The following ANO10 variants were observed in gnomAD, a reference collection of about 807,000 sequenced individuals.
ANO10 encodes the protein anoctamin-10.
Under a neutral mutation model 74.7 loss-of-function variants are expected in ANO10, and 77 were observed. The observed-to-expected ratio is 1.03, with a 90% CI of 0.86 to 1.25. The LOEUF (loss-of-function observed/expected upper bound fraction) is 1.25. Ranked by LOEUF, ANO10 falls within the 50% of genes most tolerant of loss-of-function variation. The pLI, the probability that ANO10 is intolerant of heterozygous loss-of-function variation, is 0.00. For synonymous variants in ANO10, 279 were observed against 284.9 expected, an observed-to-expected ratio of 0.98 and a Z score of 0.21; for missense variants, 721 against 778.1, an observed-to-expected ratio of 0.93 and a Z score of 0.87.
chr3:43,576,871 A>C lies in ANO10; in HGVS notation c.983T>G (p.Phe328Cys), dbSNP rs754095732. The change falls in exon 6 of 13, where the codon TTC (phenylalanine) becomes TGC (cysteine). Residue 328 changes from phenylalanine to cysteine, a missense_variant. Coordinates refer to ENST00000292246, the MANE Select transcript of ANO10 (RefSeq NM_018075.5). ...SLPFVCLCLYFSLYVMMIYFD... is the reference protein window; with the variant it reads ...SLPFVCLCLYCSLYVMMIYFD... ...GTAAATCATCATGACATACAGTGAGAAATAGAGGCAGAGGCACACGAATGG... is the reference window on the plus strand; with the variant it reads ...GTAAATCATCATGACATACAGTGAGCAATAGAGGCAGAGGCACACGAATGG... 6.2e-7 allele frequency: 1 copy of C among 1,614,204 alleles called. No homozygotes were observed. The highest frequency in any genetic ancestry group is 8.5e-7 in the Non-Finnish European group (1 of 1,180,030).
chr3:43,605,463 T>C (rs185121376), intron 2 of ANO10, among the ~76,000 whole-genome samples: 1 of 152,330 alleles, frequency 6.6e-6, no homozygotes, highest in East Asian at 1.9e-4. Context: ...TATTTAGAGC[T>C]GTGAAGAAAA....
chr3:43,690,239 AAT>A (rs1297250541), intron 1 of ANO10: 3 of 151,558 alleles, frequency 2.0e-5, no homozygotes, highest in Non-Finnish European at 4.4e-5. Context: ...TTGTATTTTT[AAT>A]AGAGACGGGG....
At chr3:43,543,786 C>G (rs1487552504) in intron 11 of ANO10, among the ~76,000 whole-genome samples, 1 of 152,038 alleles carries the variant, frequency 6.6e-6, no homozygotes, top group African/African-American at 2.4e-5. Flanking sequence ...TTTTTTAAAC[C>G]ACGAATTAAA....
intron 8 of ANO10, 95 bp from the exon 9 acceptor site, chr3:43,561,497 TA>T: frequency 4.5e-6 from 5 of 1,103,010 alleles, no homozygotes; most frequent in Non-Finnish European, 5.3e-6. Flanking sequence ...ACAGTATTTA[TA>T]GCATAAATAC....
chr3:43,543,745 A>AT (rs1034127945), intron 11 of ANO10, among the ~76,000 whole-genome samples: 7 of 152,166 alleles, frequency 4.6e-5, no homozygotes, highest in Non-Finnish European at 1.0e-4. Context: ...ATGAAAACTT[A>AT]TTTTTTAAAA....
intron 11 of ANO10, among the ~76,000 whole-genome samples, chr3:43,528,634 A>G (rs1164096397): frequency 6.6e-6 from 1 of 152,178 alleles, no homozygotes; most frequent in Non-Finnish European, 1.5e-5. Context: ...TAAGAGGACA[A>G]AAATAAAAGA....
At chr3:43,622,522 CTG>C (rs1401598023), upstream of ANO10, among the ~76,000 whole-genome samples, 1 of 152,242 alleles carries the variant, frequency 6.6e-6, no homozygotes, top group Non-Finnish European at 1.5e-5. Context: ...CTCATTTTAA[CTG>C]TAGCTCACTT....
intron 1 of ANO10, among the ~76,000 whole-genome samples, chr3:43,631,531 T>C (rs1178154687): frequency 6.6e-6 from 1 of 152,128 alleles, no homozygotes; most frequent in African/African-American, 2.4e-5. Flanking sequence ...AAAGCCAAGT[T>C]AGGTGTTCCA....
At chr3:43,565,090 A>G (rs547558395) in intron 8 of ANO10, among the ~76,000 whole-genome samples, 1 of 152,340 alleles carries the variant, frequency 6.6e-6, no homozygotes, top group South Asian at 2.1e-4. Context: ...AAAACTGGGA[A>G]AAAACAGCCA....
At chr3:43,662,852 A>G (rs2083942488) in intron 1 of ANO10, among the ~76,000 whole-genome samples, 1 of 152,206 alleles carries the variant, frequency 6.6e-6, no homozygotes, top group South Asian at 2.1e-4. Flanking sequence ...GAAGAAGTTG[A>G]AGCTCTGAAC....
chr3:43,515,086 T>C (rs2077654498), intron 11 of ANO10, among the ~76,000 whole-genome samples: 1 of 152,056 alleles, frequency 6.6e-6, no homozygotes, highest in Non-Finnish European at 1.5e-5. Context: ...AGTAAAACAA[T>C]ACAGAAAATC....
chr3:43,615,937 G>C (rs2083079830), intron 1 of ANO10, among the ~76,000 whole-genome samples: 1 of 152,130 alleles, frequency 6.6e-6, no homozygotes, highest in African/African-American at 2.4e-5. Flanking sequence ...ACAGGTGTGA[G>C]CCACCGCGCC....
chr3:43,507,777 AT>A (rs2077350828), intron 11 of ANO10, among the ~76,000 whole-genome samples: 2 of 152,230 alleles, frequency 1.3e-5, no homozygotes, highest in Non-Finnish European at 2.9e-5. Flanking sequence ...TTCTGTCACT[AT>A]TAACTGTGAT....
intron 5 of ANO10, among the ~76,000 whole-genome samples, chr3:43,579,153 C>T (rs1049739432): frequency 6.6e-6 from 1 of 152,006 alleles, no homozygotes; most frequent in Non-Finnish European, 1.5e-5. Flanking sequence ...CATAACCAGA[C>T]TAAAATATTT....
intron 1 of ANO10, among the ~76,000 whole-genome samples, chr3:43,632,173 G>A (rs2083555449): frequency 6.6e-6 from 1 of 151,908 alleles, no homozygotes; most frequent in Non-Finnish European, 1.5e-5. Flanking sequence ...GAATTAAATT[G>A]ACGGTGCTGG....
chr3:43,458,227 A>G (rs2075224083), intron 11 of ANO10, among the ~76,000 whole-genome samples: 1 of 152,184 alleles, frequency 6.6e-6, no homozygotes, highest in Non-Finnish European at 1.5e-5. Flanking sequence ...CCGGAGTCCT[A>G]GTCAAGAGAC....
chr3:43,634,311 AT>A (rs1351084410), intron 1 of ANO10, among the ~76,000 whole-genome samples: 9 of 152,218 alleles, frequency 5.9e-5, no homozygotes, highest in Admixed American at 5.2e-4. Context: ...ATTAAAAAAA[AT>A]AAGATAGGTA....
At chr3:43,625,292 G>T (rs1269591278), upstream of ANO10, among the ~76,000 whole-genome samples, 2 of 152,208 alleles carry the variant, frequency 1.3e-5, no homozygotes, top group Admixed American at 1.3e-4. Flanking sequence ...ATAGTGTCTG[G>T]TTGACAATTC....
Position 43,577,185 on chromosome 3 carries a change from G to A in ANO10, c.669C>T (p.Ile223=), listed in dbSNP as rs760224425. 9 of 1,614,010 alleles carry A rather than the reference G, an allele frequency of 5.6e-6. No individual in the cohort carries two copies. The highest frequency in any genetic ancestry group is 5.3e-5 in the African/African-American group (4 of 74,910). ...GFLEYFTFAL[I]PMAVIGLPYY... ...AAGGTAACCCAATGACAGCCATGGG[G>A]ATTAATGCAAAAGTGAAATACTCCA... is the stretch of plus-strand genomic sequence containing the variant. Residue 223 remains isoleucine (I), a synonymous_variant, in exon 6 of 13, where the codon ATC becomes ATT. Coordinates refer to ENST00000292246, the MANE Select transcript of ANO10 (RefSeq NM_018075.5).
Sources: allele counts gnomAD v4.1 joint callset (sites outside exome capture counted in the v4.1 genomes callset), GRCh38; gene constraint gnomAD v4.1.1; transcripts MANE v1.5; gene names NCBI Gene and HGNC (gene_info 2026-07-23, HGNC 2026-07-21).